Variants in SMURF1 observed in about 807,000 individuals in gnomAD.
SMURF1 encodes SMAD specific E3 ubiquitin protein ligase 1.
In SMURF1, 44 loss-of-function variants were observed where a neutral mutation model predicts 98.0. That is an observed-to-expected ratio of 0.45 (90% CI 0.35 to 0.58). SMURF1 has a LOEUF of 0.58. Among genes scored for constraint, SMURF1 ranks in the 20% least tolerant of loss-of-function variants. SMURF1 has a pLI of 0.00. For synonymous variants in SMURF1, 396 were observed against 374.9 expected, an observed-to-expected ratio of 1.06 and a Z score of -0.65; for missense variants, 687 against 938.4, an observed-to-expected ratio of 0.73 and a Z score of 3.50.
chr7:99,092,923 C>T (rs547244486), intron 1 of SMURF1, among the ~76,000 whole-genome samples: 18 of 152,168 alleles, frequency 1.2e-4, no homozygotes, highest in Non-Finnish European at 1.8e-4. Flanking sequence ...ATTTGGTGTT[C>T]GCAGCAATTT....
At chr7:99,093,744 T>C (rs1377144312) in intron 1 of SMURF1, among the ~76,000 whole-genome samples, 1 of 152,074 alleles carries the variant, frequency 6.6e-6, no homozygotes, top group Non-Finnish European at 1.5e-5. Context: ...TGGCACTCTA[T>C]ATATGCACTT....
intron 16 of SMURF1, among the ~76,000 whole-genome samples, chr7:99,034,732 C>G (rs1353209299): frequency 6.6e-6 from 1 of 152,162 alleles, no homozygotes; most frequent in Admixed American, 6.5e-5. Context: ...CCCTTTTTAT[C>G]CATGCTGGGC....
chr7:99,085,370 A>AAT (rs1381929079), intron 1 of SMURF1, among the ~76,000 whole-genome samples: 1 of 150,110 alleles, frequency 6.7e-6, no homozygotes, highest in East Asian at 1.9e-4. Context: ...AAAAAAAAAA[A>AAT]AGAAAAGAAA....
intron 1 of SMURF1, chr7:99,081,293 A>G (rs1252505664): frequency 2.0e-5 from 3 of 152,266 alleles, no homozygotes; most frequent in Non-Finnish European, 2.9e-5. Flanking sequence ...TATCGCTTGA[A>G]GCCAAGAGTT....
chr7:99,054,587 T>A (rs1795836632), intron 6 of SMURF1, among the ~76,000 whole-genome samples: 1 of 152,100 alleles, frequency 6.6e-6, no homozygotes, highest in Non-Finnish European at 1.5e-5. Flanking sequence ...ATTATAAGCG[T>A]GAGCCACCAC....
rs759706745 is a variant in SMURF1 at position 99,047,899 on chromosome 7, G to A, written c.954-17C>T. On this transcript the variant is annotated splice_polypyrimidine_tract_variant and intron_variant, in intron 9 of 17. Coordinates refer to ENST00000361368, the MANE Select transcript of SMURF1 (RefSeq NM_181349.3). ...CACTGGTGACTTGAGAAGAAGAGAT[G>A]CAGAAAGTCACTCCGAAGCCCCGGC... The A allele has an allele frequency of 1.9e-6, 3 of 1,611,472 alleles. No individual in the cohort carries two copies. The South Asian group carries it at 3.3e-5, about 18-fold the overall frequency.
intron 1 of SMURF1, among the ~76,000 whole-genome samples, chr7:99,089,881 T>A (rs1584166896): frequency 1.3e-5 from 2 of 152,210 alleles, no homozygotes; most frequent in East Asian, 1.9e-4. Context: ...TACTACCATT[T>A]TCTGCTCACT....
intron 1 of SMURF1, among the ~76,000 whole-genome samples, chr7:99,075,432 C>G (rs758683220): frequency 6.6e-6 from 1 of 152,182 alleles, no homozygotes; most frequent in African/African-American, 2.4e-5. Flanking sequence ...ACTGAACCTG[C>G]AAAGGGAACC....
chr7:99,107,500 T>C (rs1228854410), intron 1 of SMURF1, among the ~76,000 whole-genome samples: 1 of 152,192 alleles, frequency 6.6e-6, no homozygotes, highest in Non-Finnish European at 1.5e-5. Context: ...ATATTTCTGA[T>C]TGGGCTTCAT....
intron 1 of SMURF1, among the ~76,000 whole-genome samples, chr7:99,102,198 T>A (rs1027409435): frequency 6.6e-6 from 1 of 152,168 alleles, no homozygotes; most frequent in Non-Finnish European, 1.5e-5. Context: ...TTTTTATATT[T>A]TTATACATTC....
chr7:99,037,055 G>A lies in SMURF1; in HGVS notation c.1809+12C>T, dbSNP rs906016615. 2 of 1,613,400 alleles carry A rather than the reference G, an allele frequency of 1.2e-6. No homozygotes were observed. Among genetic ancestry groups the A allele is most frequent in the African/African-American group, 2.7e-5 (2 of 74,908 alleles). On this transcript the variant is annotated intron_variant, in intron 15 of 17. Transcript: ENST00000361368. ...GGACGCCCTGGGTCGACTCCGCACA[G>A]CAGGCACATACCTCCAGTTCCTTCT...
intron 1 of SMURF1, among the ~76,000 whole-genome samples, chr7:99,076,276 A>G (rs1389887018): frequency 6.6e-6 from 1 of 152,226 alleles, no homozygotes; most frequent in Non-Finnish European, 1.5e-5. Flanking sequence ...AGAGGAAAAA[A>G]AAGTAACTTT....
Position 99,047,810 on chromosome 7 carries a change from C to T in SMURF1, c.1026G>A (p.Glu342=), listed in dbSNP as rs766582951. The change falls in exon 10 of 18, where the codon GAG becomes GAA. Residue 342 remains glutamate, a synonymous_variant. Transcript: ENST00000361368. ...CTCTTTCGTATCTCTGGGCAGGAAG[C>T]TCCTCGTCCTCCAGAGAGCCCTCAC... ...LPSEGSLEDE[E]LPAQRYERDL... 10 of 1,614,190 alleles carry T rather than the reference C, an allele frequency of 6.2e-6. 1 individual carries two copies. The highest frequency in any genetic ancestry group is 2.2e-5 in the South Asian group (2 of 91,070).
chr7:99,033,155 G>A, intron 16 of SMURF1, 34 bp from the exon 17 acceptor site: 7 of 1,550,536 alleles, frequency 4.5e-6, no homozygotes, highest in Non-Finnish European at 6.1e-6. Context: ...ATGTACTTCA[G>A]AGTTACAGCC....
chr7:99,057,607 T>TTGTTTG (rs375330292), intron 3 of SMURF1, 56 bp from the exon 4 acceptor site: 2 of 1,208,926 alleles, frequency 1.7e-6, no homozygotes, highest in Non-Finnish European at 2.1e-6. Context: ...TTTGTTTTGT[T>TTGTTTG]TTTTTTTTTT....
chr7:99,109,112 T>C (rs1284791503), intron 1 of SMURF1, among the ~76,000 whole-genome samples: 1 of 152,160 alleles, frequency 6.6e-6, no homozygotes, highest in African/African-American at 2.4e-5. Context: ...CCTGTTAACT[T>C]CTGCCAACAG....
chr7:99,086,089 T>G (rs1176906063), intron 1 of SMURF1, among the ~76,000 whole-genome samples: 2 of 152,196 alleles, frequency 1.3e-5, no homozygotes, highest in Non-Finnish European at 2.9e-5. Context: ...TTCACACCTG[T>G]ATTCCCAGCA....
rs755112124 is a variant in SMURF1 at position 99,054,231 on chromosome 7, T to C, written c.479+559A>G. On this transcript the variant is annotated intron_variant, in intron 6 of 17. Transcript: ENST00000361368. ...GGATTACAGGCAGTTATAATTCTTA[T>C]TGATGCTCAAACTCACCCATCTTTG... Among the ~76,000 whole-genome samples, 48 of 151,878 alleles carry C rather than the reference T, an allele frequency of 3.2e-4. 1 individual carries two copies. Among genetic ancestry groups the C allele is most frequent in the Non-Finnish European group, 5.2e-4 (35 of 67,936 alleles).
chr7:99,141,990 C>T (rs1360432715), intron 1 of SMURF1, among the ~76,000 whole-genome samples: 1 of 152,192 alleles, frequency 6.6e-6, no homozygotes, highest in African/African-American at 2.4e-5. Context: ...CGGAGCAGAG[C>T]CGCATTTGCA....
Sources: gnomAD v4.1 joint callset for allele counts (sites outside exome capture counted in the v4.1 genomes callset) on GRCh38, gnomAD v4.1.1 for gene constraint, MANE v1.5 for transcripts, NCBI Gene and HGNC (gene_info 2026-07-23, HGNC 2026-07-21) for gene names.